The following AGBL1 variants were observed in gnomAD, a reference collection of about 807,000 sequenced individuals.
AGBL1 encodes AGBL carboxypeptidase 1.
AGBL1 carries 130 observed loss-of-function variants against 118.9 expected under a neutral mutation model. The ratio of observed to expected loss-of-function variants is 1.09; its 90% confidence interval spans 0.95 to 1.26. The LOEUF is 1.26. AGBL1 is among the 50% of genes most tolerant of loss of function. AGBL1 has a pLI of 0.00. For missense variants in AGBL1, 1,584 were observed against 1,298.1 expected (o/e 1.22, Z -3.38); for synonymous variants, 555 against 478.9 (o/e 1.16, Z -2.08).
At chr15:86,528,561 A>G (rs1210099447) in intron 19 of AGBL1, among the ~76,000 whole-genome samples, 1 of 144,156 alleles carries the variant, frequency 6.9e-6, no homozygotes, top group Non-Finnish European at 1.5e-5. Flanking sequence ...AGGCTTGCTT[A>G]GGTAAACAAA....
At chr15:86,800,802 A>T (rs1399563143) in intron 22 of AGBL1, among the ~76,000 whole-genome samples, 2 of 152,114 alleles carry the variant, frequency 1.3e-5, no homozygotes, top group Admixed American at 1.3e-4. Flanking sequence ...GGTCACTTAC[A>T]AAGGTAGAAA....
intron 22 of AGBL1, among the ~76,000 whole-genome samples, chr15:86,827,512 T>C (rs1421248098): frequency 7.1e-5 from 5 of 69,968 alleles, no homozygotes; most frequent in Non-Finnish European, 9.2e-5. Flanking sequence ...TATATATATA[T>C]ATATATATAG....
chr15:86,401,961 G>T (rs1380076937), intron 18 of AGBL1, among the ~76,000 whole-genome samples: 1 of 151,892 alleles, frequency 6.6e-6, no homozygotes, highest in Non-Finnish European at 1.5e-5. Flanking sequence ...TGAGTTTTAG[G>T]ATTGTTTTTT....
At chr15:86,524,345 T>C (rs945518622) in intron 19 of AGBL1, among the ~76,000 whole-genome samples, 5 of 152,222 alleles carry the variant, frequency 3.3e-5, no homozygotes, top group Admixed American at 6.5e-5. Flanking sequence ...TATTCATAAT[T>C]ACAGTGTATT....
chr15:86,354,651 A>G (rs2141907580), intron 17 of AGBL1, among the ~76,000 whole-genome samples: 1 of 152,320 alleles, frequency 6.6e-6, no homozygotes, highest in African/African-American at 2.4e-5. Flanking sequence ...CAAGGAATTC[A>G]TATGATATAT....
intron 18 of AGBL1, among the ~76,000 whole-genome samples, chr15:86,455,011 A>T (rs2082242662): frequency 6.6e-6 from 1 of 152,170 alleles, no homozygotes; most frequent in Non-Finnish European, 1.5e-5. Context: ...CCTCCCTAAG[A>T]CACTGCTGAC....
intron 21 of AGBL1, among the ~76,000 whole-genome samples, chr15:86,564,061 G>C (rs200347538): frequency 6.6e-6 from 1 of 152,042 alleles, no homozygotes; most frequent in Non-Finnish European, 1.5e-5. Context: ...TACAGCACAC[G>C]GATGGGTCTT....
chr15:86,493,300 A>G (rs1014079876), intron 18 of AGBL1, among the ~76,000 whole-genome samples: 22 of 152,054 alleles, frequency 1.4e-4, no homozygotes, highest in African/African-American at 5.3e-4. Context: ...TATAAATGCC[A>G]CTCACTTTCT....
intron 18 of AGBL1, among the ~76,000 whole-genome samples, chr15:86,422,677 A>G (rs976678127): frequency 1.3e-5 from 2 of 152,178 alleles, no homozygotes; most frequent in African/African-American, 2.4e-5. Context: ...GAAAAGATTA[A>G]CAAAATAGAT....
intron 17 of AGBL1, among the ~76,000 whole-genome samples, chr15:86,363,742 C>A (rs1230401906): frequency 4.6e-5 from 7 of 152,140 alleles, no homozygotes; most frequent in Admixed American, 4.6e-4. Flanking sequence ...ATCCCTGATT[C>A]ATATTTCCAA....
chr15:87,001,243 T>G (rs2141759867), intron 24 of AGBL1, among the ~76,000 whole-genome samples: 1 of 151,732 alleles, frequency 6.6e-6, no homozygotes, highest in East Asian at 1.9e-4. Context: ...CTCATTGCCC[T>G]GGCCAGAACT....
At chr15:86,605,211 A>G (rs1447445411) in intron 21 of AGBL1, among the ~76,000 whole-genome samples, 1 of 152,212 alleles carries the variant, frequency 6.6e-6, no homozygotes, top group African/African-American at 2.4e-5. Context: ...AATACAGCTA[A>G]CATTCCTTCA....
chr15:86,491,710 A>G (rs2142142925), intron 18 of AGBL1, among the ~76,000 whole-genome samples: 1 of 152,164 alleles, frequency 6.6e-6, no homozygotes, highest in African/African-American at 2.4e-5. Context: ...ATATGTTTAA[A>G]CTGATGATTA....
At chr15:87,028,816 C>T (rs747902207) in intron 24 of AGBL1, 2 of 1,605,170 alleles carry the variant, frequency 1.2e-6, no homozygotes, top group East Asian at 2.2e-5. Context: ...ATTTCTTATT[C>T]CTTCTCAGAG....
intron 15 of AGBL1, among the ~76,000 whole-genome samples, chr15:86,273,680 C>T (rs919178665): frequency 7.2e-5 from 11 of 152,150 alleles, no homozygotes; most frequent in African/African-American, 2.4e-4. Flanking sequence ...TTTGGGAGAA[C>T]TTTACTTCCC....
chr15:86,316,948 T>C (rs1383086213), intron 17 of AGBL1: 1 of 152,186 alleles, frequency 6.6e-6, no homozygotes, highest in Admixed American at 6.5e-5. Flanking sequence ...TGTAGGATGA[T>C]TGTGGAAGCT....
intron 16 of AGBL1, among the ~76,000 whole-genome samples, chr15:86,281,662 A>T (rs1432668145): frequency 6.6e-6 from 1 of 152,222 alleles, no homozygotes; most frequent in Non-Finnish European, 1.5e-5. Context: ...TCCCACATTT[A>T]GCTAGCAGCC....
chr15:86,143,880 A>G (rs749038177), intron 3 of AGBL1, 35 bp downstream of exon 3: 2 of 1,605,766 alleles, frequency 1.2e-6, no homozygotes, highest in Admixed American at 3.4e-5. Context: ...CTGACTGAAA[A>G]GGCACTTCTA....
intron 5 of AGBL1, among the ~76,000 whole-genome samples, chr15:86,200,638 T>C (rs1597539222): frequency 6.7e-6 from 1 of 148,738 alleles, no homozygotes; most frequent in South Asian, 2.2e-4. Flanking sequence ...TTTTTTGAGA[T>C]GGAGTCTCGC....
Sources: allele counts gnomAD v4.1 joint callset (sites outside exome capture counted in the v4.1 genomes callset), GRCh38; gene constraint gnomAD v4.1.1; transcripts MANE v1.5; gene names NCBI Gene and HGNC (gene_info 2026-07-23, HGNC 2026-07-21).